Variants in MAGI1 observed in about 807,000 individuals in gnomAD.
MAGI1 encodes membrane-associated guanylate kinase, WW and PDZ domain-containing protein 1.
In MAGI1, 58 loss-of-function variants were observed where a neutral mutation model predicts 139.9. The ratio of observed to expected loss-of-function variants is 0.41; its 90% confidence interval spans 0.34 to 0.52. The LOEUF (loss-of-function observed/expected upper bound fraction) is 0.52, where lower values mean the gene tolerates loss of function less well. Ranked by LOEUF, MAGI1 falls within the 20% of genes least tolerant of loss-of-function variation. The pLI is 0.12. For missense variants in MAGI1, 1,874 were observed against 1,901.6 expected, an observed-to-expected ratio of 0.99 and a Z score of 0.27; for synonymous variants, 812 against 737.9, an observed-to-expected ratio of 1.10 and a Z score of -1.63.
At chr3:65,840,589 C>T (rs2058770641) in intron 1 of MAGI1, among the ~76,000 whole-genome samples, 1 of 152,090 alleles carries the variant, frequency 6.6e-6, no homozygotes, top group Admixed American at 6.6e-5. Context: ...ACTGAACCAG[C>T]TTTATATCCC....
At chr3:65,485,830 C>T (rs1479625562) in intron 3 of MAGI1, among the ~76,000 whole-genome samples, 2 of 151,880 alleles carry the variant, frequency 1.3e-5, no homozygotes, top group Non-Finnish European at 2.9e-5. Flanking sequence ...CATTTAAATA[C>T]AGATTAGTCT....
chr3:65,384,496 T>C (rs1209497873), intron 14 of MAGI1, among the ~76,000 whole-genome samples: 1 of 152,126 alleles, frequency 6.6e-6, no homozygotes. Context: ...TCCCAGCACT[T>C]TGGGAGGCCA....
At chr3:65,497,529 C>T (rs1328214744) in intron 2 of MAGI1, among the ~76,000 whole-genome samples, 1 of 152,124 alleles carries the variant, frequency 6.6e-6, no homozygotes, top group Non-Finnish European at 1.5e-5. Context: ...TATATGGCAA[C>T]TCTCATCTTC....
At chr3:65,494,745 G>T (rs1372744936) in intron 2 of MAGI1, among the ~76,000 whole-genome samples, 1 of 152,196 alleles carries the variant, frequency 6.6e-6, no homozygotes, top group East Asian at 1.9e-4. Context: ...GAAGTTCTTA[G>T]CACTGTGCAG....
chr3:65,403,571 C>T (rs879399412), intron 12 of MAGI1, among the ~76,000 whole-genome samples: 1 of 152,046 alleles, frequency 6.6e-6, no homozygotes, highest in African/African-American at 2.4e-5. Flanking sequence ...TTCAGAGAGA[C>T]CTTCTTAGTT....
intron 13 of MAGI1, among the ~76,000 whole-genome samples, chr3:65,400,240 T>A (rs1944744205): frequency 6.6e-6 from 1 of 152,134 alleles, no homozygotes. Context: ...AGCCCTGAAG[T>A]CAAAGTTCCA....
At chr3:65,446,685 AT>A (rs1373319496) in intron 7 of MAGI1, among the ~76,000 whole-genome samples, 18 of 152,166 alleles carry the variant, frequency 1.2e-4, no homozygotes, top group African/African-American at 4.3e-4. Context: ...TGGAAAACCT[AT>A]TTCTGTCTCT....
intron 1 of MAGI1, among the ~76,000 whole-genome samples, chr3:65,798,715 C>T (rs983613890): frequency 2.6e-5 from 4 of 152,296 alleles, no homozygotes; most frequent in African/African-American, 7.2e-5. Context: ...TCCACGGCTT[C>T]GCTTTCTGCA....
At chr3:65,593,869 A>G (rs1366929433) in intron 2 of MAGI1, among the ~76,000 whole-genome samples, 3 of 152,222 alleles carry the variant, frequency 2.0e-5, no homozygotes, top group African/African-American at 7.2e-5. Context: ...AGCCTCACAG[A>G]ATGGAATTAA....
At chr3:65,736,728 G>T (rs575580775) in intron 1 of MAGI1, among the ~76,000 whole-genome samples, 1 of 152,270 alleles carries the variant, frequency 6.6e-6, no homozygotes, top group Non-Finnish European at 1.5e-5. Flanking sequence ...GGCCAGCAAA[G>T]GACTGGATGA....
At chr3:65,959,823 T>TTTTTC (rs2064333845) in intron 1 of MAGI1, among the ~76,000 whole-genome samples, 1 of 131,258 alleles carries the variant, frequency 7.6e-6, no homozygotes, top group African/African-American at 2.9e-5. Flanking sequence ...TTTTTTTTTT[T>TTTTTC]GAGACAGAGT....
intron 1 of MAGI1, among the ~76,000 whole-genome samples, chr3:65,936,909 TTGTTGTTGTTGGTGGTGG>T (rs1158697971): frequency 7.3e-6 from 1 of 136,586 alleles, no homozygotes; most frequent in South Asian, 2.5e-4. Context: ...AAAGTTGTTG[TTGTTGTTGTTGGTGGTGG>T]TGGTGGTGAT....
intron 1 of MAGI1, among the ~76,000 whole-genome samples, chr3:65,964,137 C>G (rs776168017): frequency 3.3e-5 from 5 of 152,232 alleles, no homozygotes; most frequent in Admixed American, 2.6e-4. Context: ...CCATTAAGCA[C>G]AGCAACTGCC....
At chr3:65,605,354 T>A (rs954914622) in intron 2 of MAGI1, among the ~76,000 whole-genome samples, 4 of 152,148 alleles carry the variant, frequency 2.6e-5, no homozygotes, top group Non-Finnish European at 5.9e-5. Flanking sequence ...CCTGTGAAAC[T>A]TTACACTACA....
chr3:65,409,610 C>T (rs984612106), intron 12 of MAGI1, among the ~76,000 whole-genome samples: 1 of 150,686 alleles, frequency 6.6e-6, no homozygotes, highest in Non-Finnish European at 1.5e-5. Context: ...AATGAAAAAA[C>T]GATCCCAGTT....
At chr3:65,911,876 C>T (rs375139292) in intron 1 of MAGI1, among the ~76,000 whole-genome samples, 2 of 152,088 alleles carry the variant, frequency 1.3e-5, no homozygotes, top group African/African-American at 4.8e-5. Flanking sequence ...GCTTCCTGTT[C>T]GTTACTGCAT....
At chr3:65,368,840 C>A (rs73125505) in intron 18 of MAGI1, among the ~76,000 whole-genome samples, 1 of 152,110 alleles carries the variant, frequency 6.6e-6, no homozygotes, top group Non-Finnish European at 1.5e-5. Context: ...AATTTAGGAC[C>A]ATTATTCAAA....
intron 2 of MAGI1, among the ~76,000 whole-genome samples, chr3:65,574,370 T>C (rs1242789460): frequency 6.7e-6 from 1 of 149,902 alleles, no homozygotes; most frequent in Non-Finnish European, 1.5e-5. Flanking sequence ...TAACACAGCA[T>C]TTATGACAGC....
intron 1 of MAGI1, among the ~76,000 whole-genome samples, chr3:65,996,544 G>T (rs889527892): frequency 1.7e-5 from 2 of 118,360 alleles, no homozygotes; most frequent in African/African-American, 3.1e-5. Context: ...AAACTAAGGG[G>T]GGGGGGGGGG....
Sources: gnomAD v4.1 joint callset for allele counts (sites outside exome capture counted in the v4.1 genomes callset) on GRCh38, gnomAD v4.1.1 for gene constraint, MANE v1.5 for transcripts, NCBI Gene and HGNC (gene_info 2026-07-23, HGNC 2026-07-21) for gene names.